LHCGR: variants seen among roughly 807,000 people sequenced by gnomAD.
The protein encoded by LHCGR is luteinizing hormone/choriogonadotropin receptor, also known as lutropin-choriogonadotropic hormone receptor.
In LHCGR, 55 loss-of-function variants were observed where a neutral mutation model predicts 60.7. That is an observed-to-expected ratio of 0.91 (90% confidence interval 0.73 to 1.13). The LOEUF (loss-of-function observed/expected upper bound fraction) is 1.13, where lower values mean the gene tolerates loss of function less well. Ranked by LOEUF, LHCGR falls within the 50% of genes most tolerant of loss-of-function variation. LHCGR has a pLI of 0.00. For missense variants in LHCGR, 862 were observed against 836.0 expected, an observed-to-expected ratio of 1.03 and a Z score of -0.38; for synonymous variants, 337 against 316.5, an observed-to-expected ratio of 1.06 and a Z score of -0.69.
intron 1 of LHCGR, among the ~76,000 whole-genome samples, chr2:48,752,317 G>A (rs1669991526): frequency 6.6e-6 from 1 of 152,030 alleles, no homozygotes; most frequent in Admixed American, 6.6e-5. Context: ...GGTCTTAGAA[G>A]GTAAGGTTAC....
rs1223842398 is a variant in LHCGR, at chr2:48,725,753, GT to G, written c.309-4del. ...GATTTTTGGTGTTCTGGATCAGTCT[GT>G]AAAGAGAGAGGGAAAAAAAAAGCTG... On this transcript the variant is annotated splice_region_variant and splice_polypyrimidine_tract_variant and intron_variant, in intron 3 of 10. Coordinates refer to ENST00000294954, the MANE Select transcript of LHCGR (RefSeq NM_000233.4). The G allele has an allele frequency of 6.2e-7, 1 of 1,605,840 alleles. No individual in the cohort carries two copies. The highest frequency in any genetic ancestry group is 8.5e-7 in the Non-Finnish European group (1 of 1,172,956).
rs142913485 is a variant in LHCGR at position 48,702,282 on chromosome 2, A to G, written c.681-3482T>C. 9.6e-3 allele frequency among the ~76,000 whole-genome samples: 1,421 copies of G among 148,080 alleles called. 15 individuals carry two copies. Among genetic ancestry groups the G allele is most frequent in the Middle Eastern group, 0.035 (10 of 286 alleles). On this transcript the variant is annotated intron_variant, in intron 8 of 10. Coordinates refer to ENST00000294954, the MANE Select transcript of LHCGR (RefSeq NM_000233.4). ...ATGTATCTTTTTTTTTTTTTTAAATACTTTAAGTTCTAGGGTACATGTGCA... is the reference window on the plus strand; with the variant it reads ...ATGTATCTTTTTTTTTTTTTTAAATGCTTTAAGTTCTAGGGTACATGTGCA...
At chr2:48,755,327 G>A (rs979384118) in intron 1 of LHCGR, among the ~76,000 whole-genome samples, 184 bp downstream of exon 1, 24 of 152,186 alleles carry the variant, frequency 1.6e-4, no homozygotes, top group Middle Eastern at 3.4e-3. Flanking sequence ...GGCATGGGGT[G>A]GTAAAAACAA....
At chr2:48,732,005 T>G (rs1669012803) in intron 1 of LHCGR, among the ~76,000 whole-genome samples, 1 of 152,322 alleles carries the variant, frequency 6.6e-6, no homozygotes, top group South Asian at 2.1e-4. Context: ...CTTCAGGCAT[T>G]CACTTATACC....
chr2:48,740,873 T>A (rs1429362445), intron 1 of LHCGR, among the ~76,000 whole-genome samples: 1 of 152,116 alleles, frequency 6.6e-6, no homozygotes, highest in African/African-American at 2.4e-5. Flanking sequence ...GAAGAAGGCT[T>A]CAGACAATCA....
chr2:48,724,317 T>C (rs981212669), intron 4 of LHCGR, among the ~76,000 whole-genome samples: 6 of 152,196 alleles, frequency 3.9e-5, no homozygotes, highest in Non-Finnish European at 8.8e-5. Flanking sequence ...GCTTAAGTGA[T>C]AGGTGAAATT....
At chr2:48,748,054 G>GAC (rs1669791244) in intron 1 of LHCGR, among the ~76,000 whole-genome samples, 1 of 152,136 alleles carries the variant, frequency 6.6e-6, no homozygotes, top group East Asian at 1.9e-4. Flanking sequence ...AAGTTCAAAT[G>GAC]ACACTTCCTC....
chr2:48,727,701 G>A (rs1384598469), intron 3 of LHCGR, among the ~76,000 whole-genome samples: 1 of 152,144 alleles, frequency 6.6e-6, no homozygotes, highest in Non-Finnish European at 1.5e-5. Flanking sequence ...TATGTCTTTT[G>A]CACTTACTCA....
intron 1 of LHCGR, among the ~76,000 whole-genome samples, chr2:48,751,934 T>C (rs566905448): frequency 4.6e-5 from 7 of 152,370 alleles, no homozygotes; most frequent in African/African-American, 1.7e-4. Context: ...AAAAGCTGTT[T>C]CCATATCAAG....
At chr2:48,731,734 T>C (rs1471048977) in intron 1 of LHCGR, among the ~76,000 whole-genome samples, 10 of 152,178 alleles carry the variant, frequency 6.6e-5, no homozygotes, top group Admixed American at 5.9e-4. Flanking sequence ...TAAATAGTTG[T>C]AGAGTGATCC....
intron 8 of LHCGR, 36 bp downstream of exon 8, chr2:48,708,912 C>T (rs747095777): frequency 6.4e-7 from 1 of 1,557,636 alleles, no homozygotes; most frequent in South Asian, 1.1e-5. Flanking sequence ...TTGGGGTACA[C>T]TGGGCAGGGA....
At chr2:48,748,123 T>A (rs771197279) in intron 1 of LHCGR, among the ~76,000 whole-genome samples, 1 of 152,192 alleles carries the variant, frequency 6.6e-6, no homozygotes, top group Non-Finnish European at 1.5e-5. Context: ...ACTCCTATCT[T>A]GTTTATAACC....
chr2:48,723,807 A>G (rs185951872), intron 4 of LHCGR, 111 bp from the exon 5 acceptor site: 402 of 803,446 alleles, frequency 5.0e-4, no homozygotes, highest in Non-Finnish European at 3.0e-4. Context: ...TACAACTTTC[A>G]CATTAAATTT....
intron 2 of LHCGR, among the ~76,000 whole-genome samples, chr2:48,730,914 C>A (rs1668958220): frequency 6.6e-6 from 1 of 152,210 alleles, no homozygotes; most frequent in African/African-American, 2.4e-5. Flanking sequence ...AAGGGAATAG[C>A]TGCTCTAGCA....
intron 1 of LHCGR, among the ~76,000 whole-genome samples, chr2:48,744,718 GT>G (rs1364668102): frequency 1.4e-5 from 2 of 146,408 alleles, no homozygotes; most frequent in Non-Finnish European, 3.0e-5. Context: ...AGACTTAAAC[GT>G]TAGACCTAAA....
intron 10 of LHCGR, among the ~76,000 whole-genome samples, chr2:48,692,142 A>G (rs556442054): frequency 9.9e-5 from 15 of 152,280 alleles, no homozygotes; most frequent in Non-Finnish European, 1.6e-4. Flanking sequence ...ATCTATAGAG[A>G]CACCGCCCAA....
chr2:48,747,285 T>A (rs1669751707), intron 1 of LHCGR, among the ~76,000 whole-genome samples: 1 of 152,042 alleles, frequency 6.6e-6, no homozygotes, highest in Non-Finnish European at 1.5e-5. Flanking sequence ...AGAGACAAGG[T>A]TTCACCATGT....
In LHCGR at chr2:48,688,079, A is replaced by T. The variant is rs1240189211; in HGVS notation, c.1718T>A (p.Ile573Asn). The T allele has an allele frequency of 6.2e-7, 1 of 1,614,032 alleles. No individual in the cohort carries two copies. The highest frequency in any genetic ancestry group is 1.3e-5 in the African/African-American group (1 of 74,912). Residue 573 changes from isoleucine to asparagine, a missense_variant, in exon 11 of 11, where the codon ATC (isoleucine) becomes AAC (asparagine). Ile to Asn is a moderately radical substitution (Grantham distance 149, BLOSUM62 -3). Transcript: ENST00000294954. This position sits in a 1 kb window ranked among gnomAD's most constrained non-coding sequence, Gnocchi z 5.2. ...KDTKIAKKMAILIFTDFTCMA... is the reference protein window; with the variant it reads ...KDTKIAKKMANLIFTDFTCMA... ...GCAGGTGAAATCGGTGAAGATGAGG[A>T]TTGCCATTTTCTTAGCAATCTTTGT...
intron 3 of LHCGR, among the ~76,000 whole-genome samples, 185 bp downstream of exon 3, chr2:48,728,968 T>G (rs1212990971): frequency 6.6e-6 from 1 of 152,216 alleles, no homozygotes; most frequent in Non-Finnish European, 1.5e-5. Context: ...GAGAAGCAGT[T>G]GTCACCATAG....
Sources: gnomAD v4.1 joint callset for allele counts (sites outside exome capture counted in the v4.1 genomes callset) on GRCh38, gnomAD v4.1.1 for gene constraint, Gnocchi (gnomAD v3.1) non-coding constraint, MANE v1.5 for transcripts, NCBI Gene and HGNC (gene_info 2026-07-23, HGNC 2026-07-21) for gene names.